Variants in NEDD4L observed in about 807,000 individuals in gnomAD.
NEDD4L encodes the protein E3 ubiquitin-protein ligase NEDD4-like.
A neutral mutation model predicts 148.9 loss-of-function variants in NEDD4L; 54 were observed. The ratio of observed to expected loss-of-function variants is 0.36; its 90% confidence interval spans 0.29 to 0.45. NEDD4L has a LOEUF of 0.45. Ranked by LOEUF, NEDD4L falls within the 20% of genes least tolerant of loss-of-function variation. NEDD4L has a pLI of 1.00. For missense variants in NEDD4L, 856 were observed against 1,233.8 expected (o/e 0.69, Z 4.59); for synonymous variants, 433 against 440.7 (o/e 0.98, Z 0.22).
At chr18:58,147,562 GCTGTTAATACCA>G (rs2034228753) in intron 1 of NEDD4L, among the ~76,000 whole-genome samples, 1 of 152,192 alleles carries the variant, frequency 6.6e-6, no homozygotes, top group Non-Finnish European at 1.5e-5. Context: ...TGTCAGGACG[GCTGTTAATACCA>G]CTGCTCTAAA....
intron 1 of NEDD4L, among the ~76,000 whole-genome samples, chr18:58,091,798 G>A (rs1045202683): frequency 9.8e-5 from 15 of 152,308 alleles, no homozygotes; most frequent in African/African-American, 3.6e-4. Flanking sequence ...TGGCATGAGA[G>A]TTTGTCTTAA....
intron 23 of NEDD4L, chr18:58,372,343 C>A (rs1439696944): frequency 6.6e-6 from 1 of 151,908 alleles, no homozygotes; most frequent in African/African-American, 2.4e-5. Context: ...CTTGAACAGC[C>A]TCAAGCCCTC....
At chr18:58,074,511 G>A (rs549835525) in intron 1 of NEDD4L, among the ~76,000 whole-genome samples, 20 of 147,388 alleles carry the variant, frequency 1.4e-4, no homozygotes, top group Admixed American at 4.8e-4. Flanking sequence ...CTGACCTTGT[G>A]ATCCGCTCAC....
At chr18:58,242,121 G>A (rs1365822901) in intron 2 of NEDD4L, among the ~76,000 whole-genome samples, 1 of 152,192 alleles carries the variant, frequency 6.6e-6, no homozygotes. Flanking sequence ...CGTGGAATAC[G>A]TAGCATGCTG....
chr18:58,295,446 AG>A (rs2055420131), intron 5 of NEDD4L, among the ~76,000 whole-genome samples: 1 of 152,120 alleles, frequency 6.6e-6, no homozygotes, highest in Admixed American at 6.5e-5. Context: ...ATGGCCTGAT[AG>A]CTCATTTCTT....
intron 5 of NEDD4L, among the ~76,000 whole-genome samples, chr18:58,314,957 T>C (rs2149400373): frequency 6.6e-6 from 1 of 152,304 alleles, no homozygotes; most frequent in East Asian, 1.9e-4. Flanking sequence ...ATAGCATATG[T>C]GAATTAGAAA....
chr18:58,195,835 G>T, intron 2 of NEDD4L: 1 of 663,230 alleles, frequency 1.5e-6, no homozygotes, highest in South Asian at 1.5e-5. Flanking sequence ...TAACCCAAAT[G>T]TGCAGGATTA....
intron 1 of NEDD4L, among the ~76,000 whole-genome samples, chr18:58,114,424 G>C (rs1028629258): frequency 6.6e-6 from 1 of 151,994 alleles, no homozygotes; most frequent in Non-Finnish European, 1.5e-5. Context: ...TGTGTGCCAG[G>C]GGATCCCAAA....
chr18:58,163,319 G>A (rs969951853), intron 1 of NEDD4L, among the ~76,000 whole-genome samples: 15 of 152,198 alleles, frequency 9.9e-5, no homozygotes, highest in African/African-American at 3.6e-4. Context: ...TAGCAGTAGG[G>A]TACAACTTGT....
intron 1 of NEDD4L, among the ~76,000 whole-genome samples, chr18:58,063,039 C>CTTTTTTTTTTT (rs74183235): frequency 1.6e-4 from 15 of 91,140 alleles, no homozygotes; most frequent in African/African-American, 2.9e-4. Context: ...TTTATTTGTT[C>CTTTTTTTTTTT]TTTTTTTTTT....
chr18:58,058,219 T>C (rs900672733), intron 1 of NEDD4L, among the ~76,000 whole-genome samples: 1 of 152,148 alleles, frequency 6.6e-6, no homozygotes, highest in African/African-American at 2.4e-5. Context: ...GGCAGGAGAA[T>C]CGCTTGAACC....
chr18:58,108,153 T>C (rs960314946), intron 1 of NEDD4L, among the ~76,000 whole-genome samples: 1 of 152,228 alleles, frequency 6.6e-6, no homozygotes, highest in Non-Finnish European at 1.5e-5. Context: ...GACTGCGTGA[T>C]AAACGTTAGC....
intron 1 of NEDD4L, among the ~76,000 whole-genome samples, chr18:58,101,762 C>G (rs1419388237): frequency 6.6e-6 from 1 of 152,082 alleles, no homozygotes; most frequent in Admixed American, 6.6e-5. Context: ...GTTGTTCTGC[C>G]TTTGTCAGTT....
chr18:58,276,666 A>C (rs1383085867), intron 5 of NEDD4L, among the ~76,000 whole-genome samples: 1 of 147,692 alleles, frequency 6.8e-6, no homozygotes, highest in African/African-American at 2.5e-5. Flanking sequence ...GTGTTTTACA[A>C]TTGTGGTCAG....
chr18:58,144,871 G>T (rs1373711360), intron 1 of NEDD4L, among the ~76,000 whole-genome samples: 1 of 152,218 alleles, frequency 6.6e-6, no homozygotes, highest in East Asian at 1.9e-4. Flanking sequence ...CAGCAGTTGG[G>T]TGCTGAGTAA....
intron 1 of NEDD4L, among the ~76,000 whole-genome samples, chr18:58,048,022 A>G (rs1248023800): frequency 6.6e-6 from 1 of 152,256 alleles, no homozygotes; most frequent in Non-Finnish European, 1.5e-5. Flanking sequence ...AGCAAATGGC[A>G]TAGAAATGAA....
intron 9 of NEDD4L, among the ~76,000 whole-genome samples, chr18:58,325,618 A>G (rs994715729): frequency 6.6e-6 from 1 of 151,948 alleles, no homozygotes; most frequent in Non-Finnish European, 1.5e-5. Flanking sequence ...AACCTCAAAA[A>G]TTTTTTTTTC....
chr18:58,176,220 C>A (rs554321014), intron 2 of NEDD4L, among the ~76,000 whole-genome samples: 1 of 152,182 alleles, frequency 6.6e-6, no homozygotes, highest in East Asian at 1.9e-4. Context: ...TGTCTCCCTC[C>A]CTCTTCCTCT....
At chr18:58,293,989 C>G (rs183182798) in intron 5 of NEDD4L, among the ~76,000 whole-genome samples, 2 of 152,286 alleles carry the variant, frequency 1.3e-5, no homozygotes, top group African/African-American at 2.4e-5. Flanking sequence ...TCCCAAAGTT[C>G]TGGGATTACA....
Sources: gnomAD v4.1 joint callset for allele counts (sites outside exome capture counted in the v4.1 genomes callset) on GRCh38, gnomAD v4.1.1 for gene constraint, MANE v1.5 for transcripts, NCBI Gene and HGNC (gene_info 2026-07-23, HGNC 2026-07-21) for gene names.